The following PLPPR1 variants were observed in gnomAD, a reference collection of about 807,000 sequenced individuals.
PLPPR1 encodes phospholipid phosphatase-related protein type 1.
Under a neutral mutation model 33.1 loss-of-function variants are expected in PLPPR1, and 10 were observed. The ratio of observed to expected loss-of-function variants is 0.30; its 90% CI spans 0.19 to 0.51. The LOEUF is 0.51. Ranked by LOEUF, PLPPR1 falls within the 20% of genes least tolerant of loss-of-function variation. PLPPR1 has a pLI of 0.97. For missense variants in PLPPR1, 304 were observed against 408.1 expected, an observed-to-expected ratio of 0.74 and a Z score of 2.20; for synonymous variants, 151 against 151.0, an observed-to-expected ratio of 1.00 and a Z score of 0.00.
At chr9:101,222,429 C>T (rs1002191451) in intron 2 of PLPPR1, among the ~76,000 whole-genome samples, 24 of 152,140 alleles carry the variant, frequency 1.6e-4, no homozygotes, top group African/African-American at 5.8e-4. Flanking sequence ...AGAGGGCTAG[C>T]CTTCTGAGAG....
At chr9:101,072,244 C>T (rs956306841) in intron 1 of PLPPR1, among the ~76,000 whole-genome samples, 1 of 152,154 alleles carries the variant, frequency 6.6e-6, no homozygotes, top group African/African-American at 2.4e-5. Context: ...AGCTCTCCTC[C>T]AAATTGTGAC....
chr9:101,214,789 G>A (rs183377746), intron 2 of PLPPR1, among the ~76,000 whole-genome samples: 4 of 152,108 alleles, frequency 2.6e-5, no homozygotes, highest in South Asian at 2.1e-4. Flanking sequence ...TGGGGAGGCC[G>A]AGGCAGGCAG....
intron 6 of PLPPR1, among the ~76,000 whole-genome samples, chr9:101,316,836 C>T (rs1024289166): frequency 1.3e-5 from 2 of 152,066 alleles, no homozygotes; most frequent in African/African-American, 4.8e-5. Context: ...ACTTGCTATG[C>T]ATTTGGCACT....
chr9:101,040,330 G>A (rs1288915830), intron 1 of PLPPR1, among the ~76,000 whole-genome samples: 1 of 152,112 alleles, frequency 6.6e-6, no homozygotes, highest in African/African-American at 2.4e-5. Flanking sequence ...AGGTGTGAAT[G>A]TTAAGAATCC....
At chr9:101,191,411 T>C (rs1030168356) in intron 2 of PLPPR1, among the ~76,000 whole-genome samples, 2 of 152,198 alleles carry the variant, frequency 1.3e-5, no homozygotes, top group African/African-American at 2.4e-5. Context: ...TAGTCCTTTT[T>C]CCCTTCCTTC....
At chr9:101,125,717 C>A in intron 1 of PLPPR1, 1 of 690,908 alleles carries the variant, frequency 1.4e-6, no homozygotes, top group Non-Finnish European at 2.4e-6. Flanking sequence ...AAGAACATAA[C>A]CAATATTTTC....
chr9:101,296,070 A>G (rs918581160), intron 4 of PLPPR1, among the ~76,000 whole-genome samples: 1 of 152,180 alleles, frequency 6.6e-6, no homozygotes, highest in African/African-American at 2.4e-5. Flanking sequence ...AAGGGCTAAT[A>G]TCCAGAATCT....
chr9:101,140,415 GA>G (rs35496233), intron 1 of PLPPR1, among the ~76,000 whole-genome samples: 72,277 of 151,936 alleles, frequency 0.48, 17,755 homozygotes, highest in Non-Finnish European at 0.54. Context: ...AAATAGCCTT[GA>G]AATCGTTAGG....
rs1188811531 is a variant in PLPPR1, at chr9:101,100,153, A to G, written c.-46+71051A>G. 3.9e-5 allele frequency among the ~76,000 whole-genome samples: 6 copies of G among 152,092 alleles called. No individual in the cohort carries two copies. In the East Asian group the frequency reaches 1.2e-3, roughly 29 times the overall value. ...TATTCTGAAACATGAAATTTACAAA[A>G]AAAAATGAGTTAATATGGGTCCCTA... is the stretch of plus-strand genomic sequence containing the variant. On this transcript the variant is annotated intron_variant, in intron 1 of 7. Transcript: ENST00000374874.
chr9:101,066,687 TC>T (rs987473828), intron 1 of PLPPR1, among the ~76,000 whole-genome samples: 1 of 152,044 alleles, frequency 6.6e-6, no homozygotes, highest in African/African-American at 2.4e-5. Context: ...CTTTGACATA[TC>T]CCCATCATAG....
At chr9:101,111,514 A>G (rs1281608634) in intron 1 of PLPPR1, among the ~76,000 whole-genome samples, 2 of 152,208 alleles carry the variant, frequency 1.3e-5, no homozygotes, top group Non-Finnish European at 2.9e-5. Context: ...TTTGGGGGAT[A>G]GTATTTTCCT....
intron 3 of PLPPR1, among the ~76,000 whole-genome samples, chr9:101,277,999 G>A (rs564982767): frequency 6.6e-6 from 1 of 152,234 alleles, no homozygotes; most frequent in South Asian, 2.1e-4. Flanking sequence ...CAATAAAGGA[G>A]AGAGCTGAGA....
chr9:101,199,967 GA>G (rs1826464507), intron 2 of PLPPR1, among the ~76,000 whole-genome samples: 2 of 152,308 alleles, frequency 1.3e-5, no homozygotes, highest in South Asian at 4.1e-4. Context: ...CTCACTGTGG[GA>G]AGGTACACCA....
intron 1 of PLPPR1, among the ~76,000 whole-genome samples, chr9:101,086,843 C>A (rs182725011): frequency 1.3e-5 from 2 of 152,182 alleles, no homozygotes; most frequent in East Asian, 3.9e-4. Context: ...GATGACTAAT[C>A]TAAATATTAT....
intron 4 of PLPPR1, among the ~76,000 whole-genome samples, chr9:101,308,933 G>A (rs1281795619): frequency 1.3e-5 from 2 of 152,192 alleles, no homozygotes; most frequent in Non-Finnish European, 2.9e-5. Context: ...CACCACTGAT[G>A]TGTCTATATG....
At chr9:101,066,414 C>A (rs984579922) in intron 1 of PLPPR1, among the ~76,000 whole-genome samples, 26 of 151,908 alleles carry the variant, frequency 1.7e-4, no homozygotes, top group African/African-American at 6.3e-4. Context: ...ATTCACCATG[C>A]ACATCCCCCT....
At chr9:101,214,437 T>A (rs201246500) in intron 2 of PLPPR1, among the ~76,000 whole-genome samples, 8 of 152,052 alleles carry the variant, frequency 5.3e-5, no homozygotes, top group Non-Finnish European at 1.0e-4. Flanking sequence ...CACACACATA[T>A]ACACACACGT....
chr9:101,222,876 A>G (rs561263211), intron 2 of PLPPR1, among the ~76,000 whole-genome samples: 18 of 152,130 alleles, frequency 1.2e-4, no homozygotes, highest in African/African-American at 4.3e-4. Context: ...CCCACAGACA[A>G]CAGGACCTAT....
intron 2 of PLPPR1, among the ~76,000 whole-genome samples, chr9:101,220,426 T>C (rs1402419666): frequency 1.3e-5 from 2 of 152,172 alleles, no homozygotes; most frequent in East Asian, 3.8e-4. Flanking sequence ...TAAGCAGCAA[T>C]ATCAGGAAAA....
Sources: gnomAD v4.1 joint callset for allele counts (sites outside exome capture counted in the v4.1 genomes callset) on GRCh38, gnomAD v4.1.1 for gene constraint, MANE v1.5 for transcripts, NCBI Gene and HGNC (gene_info 2026-07-23, HGNC 2026-07-21) for gene names.